NME7: variants seen among roughly 807,000 people sequenced by gnomAD.
The protein encoded by NME7 is nucleoside diphosphate kinase 7.
A neutral mutation model predicts 49.1 loss-of-function variants in NME7; 41 were observed. The ratio of observed to expected loss-of-function variants is 0.83; its 90% CI spans 0.65 to 1.08. The LOEUF is 1.08. Ranked by LOEUF, NME7 falls within the 50% of genes least tolerant of loss-of-function variation. The probability of loss-of-function intolerance (pLI) is 0.00; values close to 1 mark genes in which losing one functional copy is unlikely to be tolerated. For missense variants in NME7, 423 were observed against 463.4 expected (o/e 0.91, Z 0.80); for synonymous variants, 139 against 150.6 (o/e 0.92, Z 0.56).
At position 169,322,975 on chromosome 1, in the gene NME7, T is replaced by C. The variant is rs548666931; in HGVS notation, c.278+142A>G. On this transcript the variant is annotated intron_variant, in intron 3 of 11. Transcript: ENST00000367811. The stretch of plus-strand genomic sequence containing the variant: ...ATGGTATTATCAATTTTTTTTTAAA[T>C]TGAAAAAAAGAAAAAGAATGAAGAC... 9.5e-5 allele frequency: 58 copies of C among 612,200 alleles called. No homozygotes were observed. The South Asian group carries it at 2.5e-3, about 26-fold the overall frequency. The allele number at this position is 612,200 out of a possible 1,614,324, so 37.9% of individuals were successfully genotyped here. A position where few individuals can be genotyped will look rare whatever the true frequency, so the allele number is the denominator to read the frequency against.
In NME7 at chr1:169,298,621, G is replaced by A; in HGVS notation, c.583C>T (p.Leu195Phe). The part of the protein sequence containing the change: ...RTDASESIRA[L>F]FGTDGIRNAA... Reference sequence around the variant, plus strand: ...TTTCTTATGCCATCTGTTCCAAAGAGGGCTCTAATGCTTTCAGAAGCATCT... The same window carrying A: ...TTTCTTATGCCATCTGTTCCAAAGAAGGCTCTAATGCTTTCAGAAGCATCT... The change falls in exon 6 of 12, where the codon CTC becomes TTC. Residue 195 changes from leucine to phenylalanine, a missense_variant. Leu to Phe is a conservative substitution (Grantham distance 22, BLOSUM62 0). Coordinates refer to ENST00000367811, the MANE Select transcript of NME7 (RefSeq NM_013330.5). 1.2e-6 allele frequency: 2 copies of A among 1,613,946 alleles called. No individual in the cohort carries two copies. Among genetic ancestry groups the A allele is most frequent in the African/African-American group, 2.7e-5 (2 of 75,014 alleles).
intron 3 of NME7, among the ~76,000 whole-genome samples, chr1:169,314,159 A>G (rs1474358826): frequency 6.6e-6 from 1 of 152,066 alleles, no homozygotes; most frequent in Non-Finnish European, 1.5e-5. Context: ...CCCAAACAGA[A>G]TGTTTGAGAT....
intron 6 of NME7, among the ~76,000 whole-genome samples, chr1:169,289,588 C>A (rs1650414036): frequency 2.0e-5 from 3 of 152,034 alleles, no homozygotes; most frequent in Admixed American, 6.6e-5. Flanking sequence ...AAGTAAAAAG[C>A]AGTGATAAAT....
chr1:169,321,762 A>G lies in NME7; in HGVS notation c.278+1355T>C, dbSNP rs558260626. 9.8e-5 allele frequency among the ~76,000 whole-genome samples: 15 copies of G among 152,338 alleles called. 1 individual carries two copies. In the South Asian group the frequency reaches 3.1e-3, roughly 32 times the overall value. ...TCACAGAAAGAGATATCATATTACTATAAGAGTGACTCAGACGTTAGGCAA... is the reference window on the plus strand; with the variant it reads ...TCACAGAAAGAGATATCATATTACTGTAAGAGTGACTCAGACGTTAGGCAA... On this transcript the variant is annotated intron_variant, in intron 3 of 11. Transcript: ENST00000367811.
chr1:169,162,117 A>T (rs949047955), intron 11 of NME7, among the ~76,000 whole-genome samples: 3 of 152,114 alleles, frequency 2.0e-5, no homozygotes, highest in Non-Finnish European at 4.4e-5. Context: ...TCAGCAGTAC[A>T]CACTTCCTAG....
At chr1:169,138,093 C>T (rs55740189) in intron 11 of NME7, among the ~76,000 whole-genome samples, 4,429 of 150,418 alleles carry the variant, frequency 0.029, 110 homozygotes, top group Non-Finnish European at 0.048. Context: ...GGTGGATCAC[C>T]TGAGGTCAGG....
intron 10 of NME7, among the ~76,000 whole-genome samples, chr1:169,212,865 G>C (rs1660867466): frequency 6.6e-6 from 1 of 152,114 alleles, no homozygotes; most frequent in African/African-American, 2.4e-5. Context: ...CTGGCTTCAA[G>C]TGATCCTCCC....
chr1:169,255,989 C>G (rs1246523335), intron 7 of NME7, among the ~76,000 whole-genome samples: 2 of 132,754 alleles, frequency 1.5e-5, no homozygotes, highest in Non-Finnish European at 1.8e-5. Context: ...CTCTGGCTGC[C>G]CTTAACATTT....
intron 11 of NME7, among the ~76,000 whole-genome samples, chr1:169,164,109 C>CAAAAAA (rs34543492): frequency 8.0e-6 from 1 of 125,250 alleles, no homozygotes; most frequent in Non-Finnish European, 1.7e-5. Flanking sequence ...GACTCTGTCT[C>CAAAAAA]AAAAAAAAAA....
chr1:169,139,099 C>A (rs1658517418), intron 11 of NME7, among the ~76,000 whole-genome samples: 1 of 152,188 alleles, frequency 6.6e-6, no homozygotes, highest in African/African-American at 2.4e-5. Context: ...AAGGTATTCT[C>A]TGAGAGTTTT....
intron 2 of NME7, 105 bp downstream of exon 2, chr1:169,324,288 A>T (rs901998825): frequency 1.6e-6 from 1 of 636,022 alleles, no homozygotes; most frequent in Non-Finnish European, 2.8e-6. Flanking sequence ...ATATATACAC[A>T]CACACATACA....
chr1:169,134,675 T>G (rs1212526219), intron 11 of NME7, among the ~76,000 whole-genome samples: 2 of 152,162 alleles, frequency 1.3e-5, no homozygotes, highest in African/African-American at 4.8e-5. Context: ...TAGCTAGGAT[T>G]TTTAAACTGG....
At chr1:169,352,918 T>C (rs977378398) in intron 1 of NME7, among the ~76,000 whole-genome samples, 48 of 152,024 alleles carry the variant, frequency 3.2e-4, no homozygotes, top group African/African-American at 1.1e-3. Flanking sequence ...CACTAAAAAA[T>C]TGAAAGATTC....
intron 11 of NME7, among the ~76,000 whole-genome samples, chr1:169,139,191 G>A (rs1468644066): frequency 6.6e-6 from 1 of 152,200 alleles, no homozygotes; most frequent in East Asian, 1.9e-4. Flanking sequence ...ATCTTCTTCA[G>A]ATATGCTTAT....
chr1:169,275,168 G>A (rs1218719081), intron 7 of NME7, among the ~76,000 whole-genome samples: 1 of 131,682 alleles, frequency 7.6e-6, no homozygotes, highest in African/African-American at 2.6e-5. Context: ...AGTTCTCCTT[G>A]AAGAGGTCCT....
At chr1:169,334,998 T>A (rs1182175043) in intron 1 of NME7, among the ~76,000 whole-genome samples, 2 of 151,764 alleles carry the variant, frequency 1.3e-5, no homozygotes, top group Admixed American at 1.3e-4. Flanking sequence ...GAAATGCAAA[T>A]CCAAACCACA....
At chr1:169,300,948 A>C (rs993830210) in intron 5 of NME7, among the ~76,000 whole-genome samples, 1 of 152,182 alleles carries the variant, frequency 6.6e-6, no homozygotes, top group Non-Finnish European at 1.5e-5. Flanking sequence ...GATGGATTAA[A>C]GATTTAAAAG....
chr1:169,268,473 T>C lies in NME7; in HGVS notation c.754+18830A>G, dbSNP rs532140676. ...CAGAGGAATATAAATCATTCTACCA[T>C]AAACACGCATGCAAATGTTCACTGA... On this transcript the variant is annotated intron_variant, in intron 7 of 11. Transcript: ENST00000367811. Among the ~76,000 whole-genome samples the C allele has an allele frequency of 5.2e-5, 7 of 133,368 alleles. 1 individual carries two copies. In the East Asian group the frequency reaches 1.4e-3, roughly 27 times the overall value. 87.5% of individuals were successfully genotyped at this position (133,368 alleles called of 152,430 possible). A position where few individuals can be genotyped will look rare whatever the true frequency, so the allele number is the denominator to read the frequency against.
At chr1:169,199,762 A>G (rs1026961446) in intron 10 of NME7, among the ~76,000 whole-genome samples, 2 of 152,122 alleles carry the variant, frequency 1.3e-5, no homozygotes, top group South Asian at 4.1e-4. Flanking sequence ...AGGAAAAGGT[A>G]TAATTCACCA....
Sources: gnomAD v4.1 joint callset for allele counts (sites outside exome capture counted in the v4.1 genomes callset) on GRCh38, gnomAD v4.1.1 for gene constraint, MANE v1.5 for transcripts, NCBI Gene and HGNC (gene_info 2026-07-23, HGNC 2026-07-21) for gene names.